Variants in SMAD2 observed in about 807,000 individuals in gnomAD.
SMAD2 encodes the protein SMAD family member 2, also known as MAD homolog 2.
A neutral mutation model predicts 64.4 loss-of-function variants in SMAD2; 8 were observed. The observed-to-expected ratio is 0.12, with a 90% CI of 0.07 to 0.22. The LOEUF is 0.22. Ranked by LOEUF, SMAD2 falls within the 10% of genes least tolerant of loss-of-function variation. The probability of loss-of-function intolerance (pLI) is 1.00; values close to 1 mark genes in which losing one functional copy is unlikely to be tolerated. For missense variants in SMAD2, 289 were observed against 561.2 expected, an observed-to-expected ratio of 0.51 and a Z score of 4.90; for synonymous variants, 203 against 195.8, an observed-to-expected ratio of 1.04 and a Z score of -0.31.
At chr18:47,885,466 C>T (rs2032852133) in intron 2 of SMAD2, among the ~76,000 whole-genome samples, 1 of 151,980 alleles carries the variant, frequency 6.6e-6, no homozygotes, top group East Asian at 1.9e-4. Context: ...CCGTGTCTGG[C>T]CAATATATAC....
intron 1 of SMAD2, among the ~76,000 whole-genome samples, chr18:47,900,128 T>C (rs1208626506): frequency 6.6e-6 from 1 of 152,138 alleles, no homozygotes; most frequent in Non-Finnish European, 1.5e-5. Flanking sequence ...AATGACATTT[T>C]AAAAAGGGAA....
In SMAD2 at chr18:47,839,430, T is replaced by C. The variant is rs1446010184; in HGVS notation, c.*2397A>G. 1 of 233,212 alleles carries C rather than the reference T, an allele frequency of 4.3e-6. No homozygotes were observed. The highest frequency in any genetic ancestry group is 2.2e-5 in the African/African-American group (1 of 45,334). The allele number at this position is 233,212 out of a possible 1,614,324, so 14.4% of individuals were successfully genotyped here. A position where few individuals can be genotyped will look rare whatever the true frequency, so the allele number is the denominator to read the frequency against. ...CTACAGGCCTGATAGTGGTATTACC[T>C]AGGACATTTACTCTGCTCACAAGAT... On this transcript the variant is annotated 3_prime_UTR_variant, in exon 11 of 11. Transcript: ENST00000262160.
At chr18:47,920,676 A>G (rs1311758351) in intron 1 of SMAD2, among the ~76,000 whole-genome samples, 2 of 152,274 alleles carry the variant, frequency 1.3e-5, no homozygotes, top group African/African-American at 2.4e-5. Flanking sequence ...TGTTATTCGA[A>G]AAAATGAATA....
chr18:47,849,274 G>C (rs1914845394), intron 7 of SMAD2, among the ~76,000 whole-genome samples: 1 of 151,954 alleles, frequency 6.6e-6, no homozygotes, highest in Non-Finnish European at 1.5e-5. Flanking sequence ...CATGCAAGTA[G>C]AAACAGACCA....
chr18:47,848,395 T>A, intron 8 of SMAD2, 80 bp downstream of exon 8: 1 of 1,099,048 alleles, frequency 9.1e-7, no homozygotes, highest in Non-Finnish European at 1.4e-6. Flanking sequence ...GCACACAAGC[T>A]CTTGATGTGG....
intron 1 of SMAD2, among the ~76,000 whole-genome samples, chr18:47,920,477 A>G (rs2034517635): frequency 6.6e-6 from 1 of 152,242 alleles, no homozygotes; most frequent in Non-Finnish European, 1.5e-5. Flanking sequence ...CAAGAGCTCA[A>G]TAGCCACATG....
intron 1 of SMAD2, among the ~76,000 whole-genome samples, chr18:47,926,522 C>A (rs181843929): frequency 6.6e-6 from 1 of 152,104 alleles, no homozygotes; most frequent in South Asian, 2.1e-4. Context: ...CCCCACCACA[C>A]CCCCTCTAAG....
rs1478164193 is a variant in SMAD2 at position 47,811,832 on chromosome 18, TGTCA to T, written c.*29991_*29994del. On this transcript the variant is annotated 3_prime_UTR_variant, in exon 11 of 11. Coordinates refer to ENST00000262160, the MANE Select transcript of SMAD2 (RefSeq NM_005901.6). ...AACCAACCTAGATCTTCTGAGCACC[TGTCA>T]GTCGATCAAGAAGCATTTATTGCAT... The T allele has an allele frequency of 1.3e-5, 2 of 152,222 alleles. No homozygotes were observed. Among genetic ancestry groups the T allele is most frequent in the Non-Finnish European group, 2.9e-5 (2 of 68,048 alleles). The allele number at this position is 152,222 out of a possible 1,614,324, so 9.4% of individuals were successfully genotyped here.
rs901341251 is a variant in SMAD2, at chr18:47,819,128, C to T, written c.*22699G>A. The T allele has an allele frequency of 1.3e-5, 2 of 152,090 alleles. No individual in the cohort carries two copies. The highest frequency in any genetic ancestry group is 2.9e-5 in the Non-Finnish European group (2 of 68,022). The allele number at this position is 152,090 out of a possible 1,614,324, so 9.4% of individuals were successfully genotyped here. Reference sequence around the variant, plus strand: ...AAATATATAGTAATTAACACAAGTGCCTTTTAGTTAATATAACTTAAACAT... The same window carrying T: ...AAATATATAGTAATTAACACAAGTGTCTTTTAGTTAATATAACTTAAACAT... On this transcript the variant is annotated 3_prime_UTR_variant, in exon 11 of 11. Coordinates refer to ENST00000262160, the MANE Select transcript of SMAD2 (RefSeq NM_005901.6).
chr18:47,911,398 A>G (rs2034130879), intron 1 of SMAD2, among the ~76,000 whole-genome samples: 2 of 151,688 alleles, frequency 1.3e-5, no homozygotes, highest in South Asian at 2.1e-4. Context: ...ATATAATCAT[A>G]CTCACGCCCC....
intron 1 of SMAD2, among the ~76,000 whole-genome samples, chr18:47,918,556 C>T (rs562437406): frequency 3.3e-5 from 5 of 152,326 alleles, no homozygotes; most frequent in African/African-American, 9.6e-5. Context: ...TTAAGAATTA[C>T]TTTATCTGAG....
At chr18:47,853,893 A>G (rs1248516300) in intron 6 of SMAD2, among the ~76,000 whole-genome samples, 1 of 152,148 alleles carries the variant, frequency 6.6e-6, no homozygotes, top group Admixed American at 6.5e-5. Flanking sequence ...AAACAAAGCC[A>G]CTATTAGAAA....
chr18:47,880,181 G>A (rs2032504576), intron 2 of SMAD2, among the ~76,000 whole-genome samples: 1 of 152,084 alleles, frequency 6.6e-6, no homozygotes, highest in African/African-American at 2.4e-5. Flanking sequence ...AGCTTTCATG[G>A]TCACTGCTTT....
chr18:47,872,992 G>T (rs1195185544), intron 2 of SMAD2, among the ~76,000 whole-genome samples: 1 of 151,446 alleles, frequency 6.6e-6, no homozygotes, highest in Non-Finnish European at 1.5e-5. Context: ...CTCCTGAGTA[G>T]CTGGGACTAT....
intron 8 of SMAD2, 120 bp downstream of exon 8, chr18:47,848,355 T>TA (rs1914737197): frequency 1.3e-6 from 1 of 770,942 alleles, no homozygotes; most frequent in Non-Finnish European, 2.3e-6. Context: ...TGTCGGCACT[T>TA]AAACCACCAG....
chr18:47,901,790 G>A (rs938457606), intron 1 of SMAD2, among the ~76,000 whole-genome samples: 16 of 152,232 alleles, frequency 1.1e-4, no homozygotes, highest in African/African-American at 2.6e-4. Context: ...CTAGCAGATC[G>A]TTATCTTCTA....
At chr18:47,928,937 A>G (rs904900085) in intron 1 of SMAD2, among the ~76,000 whole-genome samples, 1 of 152,250 alleles carries the variant, frequency 6.6e-6, no homozygotes, top group African/African-American at 2.4e-5. Context: ...GAAAGATGTG[A>G]ACTATTTATA....
At position 47,857,318 on chromosome 18, in the gene SMAD2, T is replaced by C. The variant is rs556894309; in HGVS notation, c.731-5991A>G. Among the ~76,000 whole-genome samples the C allele has an allele frequency of 2.8e-3, 421 of 151,502 alleles. 2 individuals are homozygous for C. The highest frequency in any genetic ancestry group is 3.9e-3 in the Non-Finnish European group (260 of 67,478). On this transcript the variant is annotated intron_variant, in intron 6 of 10. Transcript: ENST00000262160. ...GCTTATGAAATATATAATGCATGAA[T>C]GATCATTTTTTCATTTCTTGTTTTA...
intron 7 of SMAD2, among the ~76,000 whole-genome samples, 172 bp downstream of exon 7, chr18:47,851,102 A>T (rs939343365): frequency 2.0e-5 from 3 of 150,914 alleles, no homozygotes; most frequent in Non-Finnish European, 3.0e-5. Flanking sequence ...ATTTTGAGGG[A>T]TGGTGTCAAT....
Sources: gnomAD v4.1 joint callset for allele counts (sites outside exome capture counted in the v4.1 genomes callset) on GRCh38, gnomAD v4.1.1 for gene constraint, MANE v1.5 for transcripts, NCBI Gene and HGNC (gene_info 2026-07-23, HGNC 2026-07-21) for gene names.